The following TDO2 variants were observed in gnomAD, a reference collection of about 807,000 sequenced individuals.
TDO2 encodes tryptophan 2,3-dioxygenase.
A neutral mutation model predicts 61.2 loss-of-function variants in TDO2; 63 were observed. The ratio of observed to expected loss-of-function variants is 1.03; its 90% CI spans 0.84 to 1.27. The LOEUF is 1.27. Among genes scored for constraint, TDO2 ranks in the 50% most tolerant of loss-of-function variants. The probability of loss-of-function intolerance (pLI) is 0.00; values close to 1 mark genes in which losing one functional copy is unlikely to be tolerated. For synonymous variants in TDO2, 183 were observed against 164.0 expected (o/e 1.12, Z -0.89); for missense variants, 494 against 469.5 (o/e 1.05, Z -0.48).
At chr4:155,906,717 A>T (rs1339895908) in intron 3 of TDO2, 2 of 152,144 alleles carry the variant, frequency 1.3e-5, no homozygotes, top group Admixed American at 1.3e-4. Context: ...AACCATTTAT[A>T]TTTGCTATGA....
chr4:155,918,126 A>G, intron 10 of TDO2, 23 bp from the exon 11 acceptor site: 1 of 1,607,160 alleles, frequency 6.2e-7, no homozygotes, highest in South Asian at 1.1e-5. Flanking sequence ...ATATCCATGG[A>G]GTAAATTTGT....
At chr4:155,915,991 A>C in intron 9 of TDO2, 79 bp downstream of exon 9, 1 of 1,236,590 alleles carries the variant, frequency 8.1e-7, no homozygotes, top group Non-Finnish European at 1.1e-6. Context: ...AAGCCTAAAA[A>C]TTACAATCAT....
chr4:155,911,074 C>T (rs548620678), intron 6 of TDO2, among the ~76,000 whole-genome samples: 5 of 151,970 alleles, frequency 3.3e-5, no homozygotes, highest in African/African-American at 7.2e-5. Context: ...TAGAAGAGAT[C>T]GTATCTTATA....
chr4:155,919,433 A>T (rs1743003987), intron 11 of TDO2, among the ~76,000 whole-genome samples: 1 of 152,144 alleles, frequency 6.6e-6, no homozygotes, highest in Admixed American at 6.5e-5. Context: ...CAGGGCAGTT[A>T]TTTGGCATCT....
intron 4 of TDO2, among the ~76,000 whole-genome samples, chr4:155,908,355 C>T (rs1358215178): frequency 2.0e-5 from 3 of 152,140 alleles, no homozygotes; most frequent in Non-Finnish European, 4.4e-5. Flanking sequence ...CCTGCTTTCT[C>T]TTGCCATGGC....
chr4:155,914,360 C>G lies in TDO2; in HGVS notation c.764C>G (p.Ala255Gly). ...EESEEKEEQV[A>G]EFQKQKEVLL... ...TCTGAAGAAAAAGAGGAACAGGTGGCTGAATTTCAGAAGCAAAAAGAGGTG... is the reference window on the plus strand; with the variant it reads ...TCTGAAGAAAAAGAGGAACAGGTGGGTGAATTTCAGAAGCAAAAAGAGGTG... The change falls in exon 8 of 12, where the codon GCT becomes GGT. Residue 255 changes from alanine to glycine, a missense_variant. Coordinates refer to ENST00000536354, the MANE Select transcript of TDO2 (RefSeq NM_005651.4). The G allele has an allele frequency of 6.2e-7, 1 of 1,608,468 alleles. No individual in the cohort carries two copies. Among genetic ancestry groups the G allele is most frequent in the Non-Finnish European group, 8.5e-7 (1 of 1,178,500 alleles).
At chr4:155,905,023 C>G in intron 2 of TDO2, 44 bp from the exon 3 acceptor site, 3 of 1,414,936 alleles carry the variant, frequency 2.1e-6, no homozygotes, top group Non-Finnish European at 2.9e-6. Flanking sequence ...TCATAAAAAC[C>G]AAGTTCTGCA....
At chr4:155,905,266 C>T in intron 3 of TDO2, 109 bp downstream of exon 3, 3 of 835,264 alleles carry the variant, frequency 3.6e-6, no homozygotes, top group African/African-American at 3.5e-5. Context: ...GGAATCACCT[C>T]TGTTAGAAAT....
chr4:155,917,378 TTC>T lies in TDO2; in HGVS notation c.897-15_897-14del. 6.3e-7 allele frequency: 1 copy of T among 1,597,714 alleles called. No homozygotes were observed. Among genetic ancestry groups the T allele is most frequent in the Non-Finnish European group, 8.5e-7 (1 of 1,172,374 alleles). Reference sequence around the variant, plus strand: ...TTACTTGAATATATTCTTCTTTTTCTTCTTTTTTTCCTTTAGGGAAGAGCCTA... The same window carrying T: ...TTACTTGAATATATTCTTCTTTTTCTTTTTTTTCCTTTAGGGAAGAGCCTA... On this transcript the variant is annotated splice_polypyrimidine_tract_variant and intron_variant, in intron 9 of 11. Transcript: ENST00000536354.
intron 3 of TDO2, 54 bp downstream of exon 3, chr4:155,905,211 C>A: frequency 7.9e-7 from 1 of 1,267,084 alleles, no homozygotes; most frequent in Non-Finnish European, 1.1e-6. Flanking sequence ...TCATTGATAA[C>A]GAGGAAAGCT....
chr4:155,915,803 C>A (rs774997322), intron 8 of TDO2, 52 bp from the exon 9 acceptor site: 6 of 1,503,994 alleles, frequency 4.0e-6, no homozygotes, highest in African/African-American at 1.4e-5. Flanking sequence ...CAAATTAATA[C>A]AAAATTACCT....
At position 155,908,890 on chromosome 4, in the gene TDO2, A is replaced by G; in HGVS notation, c.307A>G (p.Arg103Gly). Residue 103 changes from arginine (R) to glycine (G), a missense_variant, in exon 5 of 12, where the codon AGA becomes GGA. Arg to Gly is a moderately radical substitution (Grantham distance 125). Coordinates refer to ENST00000536354, the MANE Select transcript of TDO2 (RefSeq NM_005651.4). Reference protein sequence around the residue: ...VREIFQNGHVRDERNMLKVVS... With the variant: ...VREIFQNGHVGDERNMLKVVS... ...TGTTTCATTTCTTAACCTTCAGGTC[A>G]GAGATGAAAGGAACATGCTTAAGGT... 1 of 1,609,474 alleles carries G rather than the reference A, an allele frequency of 6.2e-7. No homozygotes were observed. Among genetic ancestry groups the G allele is most frequent in the East Asian group, 2.2e-5 (1 of 44,628 alleles).
At position 155,917,380 on chromosome 4, in the gene TDO2, C is replaced by CT. The variant is rs762780584; in HGVS notation, c.897-8dup. 1.6e-5 allele frequency: 26 copies of CT among 1,597,384 alleles called. No individual in the cohort carries two copies. Among genetic ancestry groups the CT allele is most frequent in the African/African-American group, 5.4e-5 (4 of 73,764 alleles). On this transcript the variant is annotated splice_polypyrimidine_tract_variant and intron_variant, in intron 9 of 11. Coordinates refer to ENST00000536354, the MANE Select transcript of TDO2 (RefSeq NM_005651.4). ...ACTTGAATATATTCTTCTTTTTCTT[C>CT]TTTTTTTCCTTTAGGGAAGAGCCTA...
At position 155,909,107 on chromosome 4, in the gene TDO2, G is replaced by A. The variant is rs144230181; in HGVS notation, c.431+93G>A. On this transcript the variant is annotated intron_variant, in intron 5 of 11. Transcript: ENST00000536354. ...GCATGTGTGTGTTTTGTGCCATGAG[G>A]AGCCTGTCTTACTAACATTTTGTCA... is the stretch of plus-strand genomic sequence containing the variant. 3.8e-4 allele frequency: 497 copies of A among 1,323,438 alleles called. 2 individuals carry two copies. In the East Asian group the frequency reaches 0.01, roughly 28 times the overall value. The allele number at this position is 1,323,438 out of a possible 1,614,324, so 82.0% of individuals were successfully genotyped here.
At chr4:155,906,723 T>C (rs983720282) in intron 3 of TDO2, 1 of 152,190 alleles carries the variant, frequency 6.6e-6, no homozygotes, top group Non-Finnish European at 1.5e-5. Context: ...TTATATTTGC[T>C]ATGAATCATC....
chr4:155,906,652 A>G (rs541871135), intron 3 of TDO2: 1 of 152,316 alleles, frequency 6.6e-6, no homozygotes, highest in South Asian at 2.1e-4. Flanking sequence ...AGTATGAGTA[A>G]GTCCTTAGTT....
In TDO2 at chr4:155,914,410, C is replaced by T. The variant is rs751379546; in HGVS notation, c.814C>T (p.Arg272Cys). 10 of 1,597,710 alleles carry T rather than the reference C, an allele frequency of 6.3e-6. No individual in the cohort carries two copies. Among genetic ancestry groups the T allele is most frequent in the Middle Eastern group, 1.7e-4 (1 of 6,016 alleles). ...EVLLSLFDEK[R>C]HEHLLSKGER... ...GCTACTGTCCTTATTTGATGAGAAA[C>T]GTCATGAACATCTCCTTAGTAAAGG... The change falls in exon 8 of 12, where the codon CGT becomes TGT. Residue 272 changes from arginine (R) to cysteine (C), a missense_variant. Physicochemically the swap from Arg to Cys is radical, Grantham distance 180 (BLOSUM62 -3). Coordinates refer to ENST00000536354, the MANE Select transcript of TDO2 (RefSeq NM_005651.4).
In TDO2 at chr4:155,915,838, T is replaced by C; in HGVS notation, c.839-17T>C. Reference sequence around the variant, plus strand: ...TTAAATGACCTAAAAAATTTAAATTTAGTATGTATTTTGCAGGTGAAAGAC... The same window carrying C: ...TTAAATGACCTAAAAAATTTAAATTCAGTATGTATTTTGCAGGTGAAAGAC... On this transcript the variant is annotated splice_polypyrimidine_tract_variant and intron_variant, in intron 8 of 11. Coordinates refer to ENST00000536354, the MANE Select transcript of TDO2 (RefSeq NM_005651.4). 6.3e-7 allele frequency: 1 copy of C among 1,597,504 alleles called. No homozygotes were observed.
intron 4 of TDO2, among the ~76,000 whole-genome samples, chr4:155,908,100 T>C (rs903075532): frequency 1.2e-4 from 18 of 152,124 alleles, no homozygotes; most frequent in African/African-American, 4.3e-4. Flanking sequence ...AATTAACAGG[T>C]ACCAGAATTG....
Sources: gnomAD v4.1 joint callset for allele counts (sites outside exome capture counted in the v4.1 genomes callset) on GRCh38, gnomAD v4.1.1 for gene constraint, MANE v1.5 for transcripts, NCBI Gene and HGNC (gene_info 2026-07-23, HGNC 2026-07-21) for gene names.